Variants in MECOM observed in about 807,000 individuals in gnomAD.
MECOM encodes histone-lysine N-methyltransferase MECOM.
A neutral mutation model predicts 116.3 loss-of-function variants in MECOM; 13 were observed. That is an observed-to-expected ratio of 0.11 (90% CI 0.07 to 0.18). The LOEUF is 0.18. MECOM is among the 10% of genes least tolerant of loss of function. MECOM has a pLI of 1.00. For missense variants in MECOM, 1,299 were observed against 1,509.0 expected, an observed-to-expected ratio of 0.86 and a Z score of 2.31; for synonymous variants, 528 against 535.2, an observed-to-expected ratio of 0.99 and a Z score of 0.19.
intron 1 of MECOM, among the ~76,000 whole-genome samples, chr3:169,660,396 A>G (rs1776128822): frequency 6.6e-6 from 1 of 151,970 alleles, no homozygotes; most frequent in South Asian, 2.1e-4. Context: ...TACAAGCCTT[A>G]CAAGTTGCAA....
chr3:169,369,939 C>T (rs539216041), intron 2 of MECOM, among the ~76,000 whole-genome samples: 1 of 151,928 alleles, frequency 6.6e-6, no homozygotes, highest in Non-Finnish European at 1.5e-5. Context: ...TTTTGGATAG[C>T]TGGTAGTCTT....
chr3:169,310,022 C>A (rs1718453087), intron 2 of MECOM, among the ~76,000 whole-genome samples: 1 of 152,166 alleles, frequency 6.6e-6, no homozygotes, highest in Non-Finnish European at 1.5e-5. Flanking sequence ...GGCCTTGGAC[C>A]CTTTTCCCAT....
chr3:169,237,265 A>G (rs1754180371), intron 2 of MECOM, among the ~76,000 whole-genome samples: 1 of 152,206 alleles, frequency 6.6e-6, no homozygotes, highest in Non-Finnish European at 1.5e-5. Context: ...ATAACAATAT[A>G]CTAAGTTAGT....
rs773056080 is a variant in MECOM, at chr3:169,116,642, A to G, written c.1230T>C (p.Cys410=). ...AAGACGTAGTGCTGAACATTTGTCC[A>G]CAGTCTTTGCACTTGATTTGGGTTC... ...DCRTQIKCKD[C]GQMFSTTSSL... The change falls in exon 8 of 17, where the codon TGT becomes TGC. Residue 410 remains cysteine, a synonymous_variant. Coordinates refer to ENST00000651503, the MANE Select transcript of MECOM (RefSeq NM_004991.4). The G allele has an allele frequency of 1.9e-6, 3 of 1,614,198 alleles. No individual in the cohort carries two copies. The Admixed American group carries it at 5.0e-5, about 27-fold the overall frequency.
chr3:169,182,766 C>CAAACAGAT (rs1487387274), intron 2 of MECOM, among the ~76,000 whole-genome samples: 1 of 152,218 alleles, frequency 6.6e-6, no homozygotes, highest in East Asian at 1.9e-4. Flanking sequence ...CTACAGGGCT[C>CAAACAGAT]AAACAGATGA....
chr3:169,301,703 T>C (rs184552052), intron 2 of MECOM, among the ~76,000 whole-genome samples: 2 of 152,222 alleles, frequency 1.3e-5, no homozygotes, highest in African/African-American at 4.8e-5. Flanking sequence ...GTAAAAGATA[T>C]GCTAATTTTG....
Position 169,123,116 on chromosome 3 carries a change from ACAATTAAGTGAGTAGT to A in MECOM, c.831-405_831-390del, listed in dbSNP as rs796377572. Among the ~76,000 whole-genome samples, 7 of 151,848 alleles carry A rather than the reference ACAATTAAGTGAGTAGT, an allele frequency of 4.6e-5. No individual in the cohort carries two copies. The South Asian group carries it at 8.3e-4, about 18-fold the overall frequency. The stretch of plus-strand genomic sequence containing the variant: ...ACACAATTAAGTGAGTATTAAGCTC[ACAATTAAGTGAGTAGT>A]CAATTAAGTGAGTATTAAGCTCACT... On this transcript the variant is annotated intron_variant, in intron 5 of 16. Coordinates refer to ENST00000651503, the MANE Select transcript of MECOM (RefSeq NM_004991.4).
chr3:169,343,419 C>A (rs1394253253), intron 2 of MECOM, among the ~76,000 whole-genome samples: 1 of 152,078 alleles, frequency 6.6e-6, no homozygotes, highest in Non-Finnish European at 1.5e-5. Context: ...GCTCCAGCAT[C>A]TTAGGGTCCA....
At chr3:169,149,592 C>A in intron 2 of MECOM, 1 of 422,406 alleles carries the variant, frequency 2.4e-6, no homozygotes. Flanking sequence ...CTGCCTTCCG[C>A]CTCGCCCGCC....
chr3:169,572,854 G>T (rs970789491), intron 1 of MECOM, among the ~76,000 whole-genome samples: 1 of 152,136 alleles, frequency 6.6e-6, no homozygotes, highest in East Asian at 1.9e-4. Flanking sequence ...GGGAGGGATA[G>T]CATTGGGAGA....
chr3:169,383,350 T>C (rs1229499388), intron 1 of MECOM, among the ~76,000 whole-genome samples: 1 of 152,168 alleles, frequency 6.6e-6, no homozygotes, highest in Non-Finnish European at 1.5e-5. Flanking sequence ...GTTCAGCATG[T>C]CCAAAATATT....
chr3:169,397,680 C>A (rs1391754397), intron 1 of MECOM, among the ~76,000 whole-genome samples: 1 of 152,138 alleles, frequency 6.6e-6, no homozygotes, highest in Non-Finnish European at 1.5e-5. Context: ...ATACATGACA[C>A]GACCTTGATA....
chr3:169,592,686 T>C (rs1253510994), intron 1 of MECOM, among the ~76,000 whole-genome samples: 2 of 152,206 alleles, frequency 1.3e-5, no homozygotes, highest in African/African-American at 2.4e-5. Context: ...GTTTTTTATA[T>C]GATAGTCTCA....
chr3:169,245,262 C>T (rs1053775881), intron 2 of MECOM, among the ~76,000 whole-genome samples: 2 of 152,064 alleles, frequency 1.3e-5, no homozygotes, highest in African/African-American at 4.8e-5. Context: ...CGAAAAACAA[C>T]AGAACAGCCA....
chr3:169,660,497 A>T (rs1426313540), intron 1 of MECOM, among the ~76,000 whole-genome samples: 26 of 152,268 alleles, frequency 1.7e-4, no homozygotes, highest in Admixed American at 1.7e-3. Flanking sequence ...CCTGTACTGT[A>T]GTCAAGGCCA....
intron 1 of MECOM, among the ~76,000 whole-genome samples, chr3:169,480,951 C>T (rs964377433): frequency 6.6e-6 from 1 of 151,908 alleles, no homozygotes; most frequent in African/African-American, 2.4e-5. Flanking sequence ...TTTTGCTATC[C>T]TCATTAACAA....
intron 1 of MECOM, among the ~76,000 whole-genome samples, chr3:169,592,328 G>A (rs73174375): frequency 0.062 from 9,378 of 152,228 alleles, 369 homozygotes; most frequent in Non-Finnish European, 0.071. Context: ...AGTCCAGAAG[G>A]CCTCTTCCTT....
chr3:169,382,575 T>A lies in MECOM; in HGVS notation c.38-1051A>T, dbSNP rs1577932093. 2.0e-5 allele frequency among the ~76,000 whole-genome samples: 3 copies of A among 152,142 alleles called. No individual in the cohort carries two copies. In the South Asian group the frequency reaches 6.2e-4, roughly 32 times the overall value. ...TGAATACATTTCTTGTCTGCTAGGA[T>A]CACAAATTGAAAGTCATACCTGATT... On this transcript the variant is annotated intron_variant, in intron 1 of 16. Transcript: ENST00000651503.
intron 1 of MECOM, among the ~76,000 whole-genome samples, chr3:169,456,177 C>A (rs748049102): frequency 2.6e-5 from 4 of 152,164 alleles, no homozygotes; most frequent in Non-Finnish European, 4.4e-5. Context: ...GATATCCATT[C>A]TTGGGTTCCC....
Sources: allele counts gnomAD v4.1 joint callset (sites outside exome capture counted in the v4.1 genomes callset), GRCh38; gene constraint gnomAD v4.1.1; transcripts MANE v1.5; gene names NCBI Gene and HGNC (gene_info 2026-07-23, HGNC 2026-07-21).